Variants in RPRD1B observed in about 807,000 individuals in gnomAD.
The protein encoded by RPRD1B is regulation of nuclear pre-mRNA domain containing 1B.
A neutral mutation model predicts 41.5 loss-of-function variants in RPRD1B; 11 were observed. The ratio of observed to expected loss-of-function variants is 0.27; its 90% CI spans 0.17 to 0.44. The LOEUF (loss-of-function observed/expected upper bound fraction) is 0.44, where lower values mean the gene tolerates loss of function less well. Ranked by LOEUF, RPRD1B falls within the 20% of genes least tolerant of loss-of-function variation. The pLI is 1.00. For synonymous variants in RPRD1B, 158 were observed against 155.6 expected (o/e 1.02, Z -0.12); for missense variants, 248 against 389.9 (o/e 0.64, Z 3.06).
At chr20:38,088,603 A>C (rs2074583940) in intron 6 of RPRD1B, among the ~76,000 whole-genome samples, 1 of 152,274 alleles carries the variant, frequency 6.6e-6, no homozygotes, top group Admixed American at 6.5e-5. Context: ...CCCAGACTTC[A>C]CATGGCCTAG....
At chr20:38,087,252 G>A (rs2074570643) in intron 6 of RPRD1B, among the ~76,000 whole-genome samples, 1 of 152,190 alleles carries the variant, frequency 6.6e-6, no homozygotes, top group African/African-American at 2.4e-5. Flanking sequence ...GAGCCACTGC[G>A]CCTGGCCACA....
At chr20:38,080,425 A>C (rs1037034750) in intron 6 of RPRD1B, among the ~76,000 whole-genome samples, 2 of 152,250 alleles carry the variant, frequency 1.3e-5, no homozygotes, top group African/African-American at 4.8e-5. Context: ...ATGGATAGCC[A>C]GCTATCCCAG....
In RPRD1B at chr20:38,057,647, A is replaced by G. The variant is rs1568651496; in HGVS notation, c.528+3A>G. On this transcript the variant is annotated splice_donor_region_variant and intron_variant, in intron 4 of 6. Coordinates refer to ENST00000373433, the MANE Select transcript of RPRD1B (RefSeq NM_021215.4). ...ATCCTTCTGCAGGACCCCTCTTGGT[A>G]GGTCTTGACCCCCAGAGAGTAGGGA... 1 of 1,599,846 alleles carries G rather than the reference A, an allele frequency of 6.3e-7. No homozygotes were observed. Among genetic ancestry groups the G allele is most frequent in the Non-Finnish European group, 8.6e-7 (1 of 1,167,094 alleles).
At chr20:38,046,089 T>G (rs368057620) in intron 2 of RPRD1B, among the ~76,000 whole-genome samples, 2 of 152,302 alleles carry the variant, frequency 1.3e-5, no homozygotes, top group East Asian at 3.9e-4. Flanking sequence ...GGAGAAGAGA[T>G]AGCATGAACA....
chr20:38,052,066 T>C (rs987232902), intron 3 of RPRD1B, among the ~76,000 whole-genome samples: 2 of 152,196 alleles, frequency 1.3e-5, no homozygotes, highest in Non-Finnish European at 2.9e-5. Context: ...CTGTCATTTC[T>C]AAAGCTCTGT....
chr20:38,053,046 C>T (rs532117032), intron 3 of RPRD1B, among the ~76,000 whole-genome samples: 9 of 152,034 alleles, frequency 5.9e-5, no homozygotes, highest in African/African-American at 2.2e-4. Context: ...ATAGAAGGTG[C>T]CCAGTATGAG....
chr20:38,037,662 G>A lies in RPRD1B; in HGVS notation c.152-2773G>A, dbSNP rs568428076. On this transcript the variant is annotated intron_variant, in intron 1 of 6. Transcript: ENST00000373433. Reference sequence around the variant, plus strand: ...ACATGGTGCTTATGTTGACTGTTGAGGATGTTGAATATGGAGGGATACAGT... The same window carrying A: ...ACATGGTGCTTATGTTGACTGTTGAAGATGTTGAATATGGAGGGATACAGT... Among the ~76,000 whole-genome samples the A allele has an allele frequency of 3.2e-4, 48 of 152,302 alleles. No individual in the cohort carries two copies. The South Asian group carries it at 8.9e-3, about 28-fold the overall frequency.
At chr20:38,081,366 T>C (rs2074510900) in intron 6 of RPRD1B, among the ~76,000 whole-genome samples, 1 of 152,202 alleles carries the variant, frequency 6.6e-6, no homozygotes, top group Admixed American at 6.5e-5. Flanking sequence ...TGGACATTAT[T>C]GGTCTATAGA....
At chr20:38,064,903 A>G (rs1555801412) in intron 5 of RPRD1B, among the ~76,000 whole-genome samples, 1 of 151,792 alleles carries the variant, frequency 6.6e-6, no homozygotes, top group Non-Finnish European at 1.5e-5. Context: ...GGAGAATGGC[A>G]TGAACCTGGG....
At chr20:38,049,872 T>G (rs889216449) in intron 3 of RPRD1B, 20 of 469,510 alleles carry the variant, frequency 4.3e-5, no homozygotes, top group Non-Finnish European at 8.0e-5. Context: ...CAGATTCTTC[T>G]CCTGCCACTT....
At chr20:38,071,634 AC>A (rs1291443341) in intron 6 of RPRD1B, among the ~76,000 whole-genome samples, 1 of 152,216 alleles carries the variant, frequency 6.6e-6, no homozygotes, top group African/African-American at 2.4e-5. Context: ...CACAGCAGCT[AC>A]ATCATTTTAC....
chr20:38,049,201 G>A (rs1012450078), intron 3 of RPRD1B, among the ~76,000 whole-genome samples: 2 of 151,342 alleles, frequency 1.3e-5, no homozygotes, highest in Non-Finnish European at 2.9e-5. Context: ...TGCCCGCCTC[G>A]GCCTCCCAAA....
chr20:38,066,266 T>C lies in RPRD1B; in HGVS notation c.831+10T>C, dbSNP rs764700496. Reference sequence around the variant, plus strand: ...GGAGAAAAAACTAGAGGTGAGTGCATTGAAGGCAGACCCAGACTGCCCACG... The same window carrying C: ...GGAGAAAAAACTAGAGGTGAGTGCACTGAAGGCAGACCCAGACTGCCCACG... On this transcript the variant is annotated intron_variant, in intron 6 of 6. Coordinates refer to ENST00000373433, the MANE Select transcript of RPRD1B (RefSeq NM_021215.4). 3.7e-6 allele frequency: 6 copies of C among 1,613,368 alleles called. No homozygotes were observed. Among genetic ancestry groups the C allele is most frequent in the African/African-American group, 1.3e-5 (1 of 75,028 alleles).
chr20:38,089,977 G>GCCCAGCCC lies in RPRD1B; in HGVS notation c.*110_*117dup. On this transcript the variant is annotated 3_prime_UTR_variant, in exon 7 of 7. Coordinates refer to ENST00000373433, the MANE Select transcript of RPRD1B (RefSeq NM_021215.4). Reference sequence around the variant, plus strand: ...AGCCCCTGGTTCTATCCCTTCTTCCGCCCAGCCCCCCAGCCTCAAGAAAGA... The same window carrying GCCCAGCCC: ...AGCCCCTGGTTCTATCCCTTCTTCCGCCCAGCCCCCCAGCCCCCCAGCCTCAAGAAAGA... The GCCCAGCCC allele has an allele frequency of 6.7e-7, 1 of 1,503,318 alleles. No homozygotes were observed. Among genetic ancestry groups the GCCCAGCCC allele is most frequent in the African/African-American group, 1.4e-5 (1 of 71,626 alleles). The allele number at this position is 1,503,318 out of a possible 1,614,324, so 93.1% of individuals were successfully genotyped here. A position where few individuals can be genotyped will look rare whatever the true frequency, so the allele number is the denominator to read the frequency against.
Position 38,076,906 on chromosome 20 carries a change from C to CTTTTTTTTTTTTTTTTTTTTT in RPRD1B, c.831+10660_831+10680dup, listed in dbSNP as rs573460686. ...CCTTTAGCCTTTTCTCATTCTGGAC[C>CTTTTTTTTTTTTTTTTTTTTT]TTTTTTTTTTTTTTTTTTTTTTTTT... is the stretch of plus-strand genomic sequence containing the variant. On this transcript the variant is annotated intron_variant, in intron 6 of 6. Coordinates refer to ENST00000373433, the MANE Select transcript of RPRD1B (RefSeq NM_021215.4). Among the ~76,000 whole-genome samples the CTTTTTTTTTTTTTTTTTTTTT allele has an allele frequency of 1.4e-4, 9 of 63,522 alleles. 1 individual carries two copies. The highest frequency in any genetic ancestry group is 1.9e-4 in the Non-Finnish European group (7 of 36,260). 41.7% of individuals were successfully genotyped at this position (63,522 alleles called of 152,430 possible).
In RPRD1B at chr20:38,091,247, T is replaced by G. The variant is rs539114501; in HGVS notation, c.*1372T>G. 1.8e-4 allele frequency: 179 copies of G among 985,850 alleles called. No individual in the cohort carries two copies. The African/African-American group carries it at 2.4e-3, about 13-fold the overall frequency. 61.1% of individuals were successfully genotyped at this position (985,850 alleles called of 1,614,324 possible). A position where few individuals can be genotyped will look rare whatever the true frequency, so the allele number is the denominator to read the frequency against. ...AAAAAGGAATTCAGTGGAGGGGGCT[T>G]TGTAATCTCCATTAATTTGTGTTGC... is the stretch of plus-strand genomic sequence containing the variant. On this transcript the variant is annotated 3_prime_UTR_variant, in exon 7 of 7. Transcript: ENST00000373433.
chr20:38,073,175 G>A (rs539957797), intron 6 of RPRD1B, among the ~76,000 whole-genome samples: 34 of 152,188 alleles, frequency 2.2e-4, no homozygotes, highest in Non-Finnish European at 4.6e-4. Flanking sequence ...CAGTTCCCAA[G>A]AATCTTGTTG....
At chr20:38,057,480 CTT>C in intron 3 of RPRD1B, 50 bp from the exon 4 acceptor site, 1 of 1,304,480 alleles carries the variant, frequency 7.7e-7, no homozygotes, top group Non-Finnish European at 1.1e-6. Context: ...TAGCATGTGA[CTT>C]ATCACTACAG....
At chr20:38,081,716 G>A (rs1823760441) in intron 6 of RPRD1B, among the ~76,000 whole-genome samples, 1 of 152,076 alleles carries the variant, frequency 6.6e-6, no homozygotes, top group Non-Finnish European at 1.5e-5. Flanking sequence ...ATTATTTTGA[G>A]GTATGTTCCT....
Sources: gnomAD v4.1 joint callset for allele counts (sites outside exome capture counted in the v4.1 genomes callset) on GRCh38, gnomAD v4.1.1 for gene constraint, MANE v1.5 for transcripts, NCBI Gene and HGNC (gene_info 2026-07-23, HGNC 2026-07-21) for gene names.